COL26A1: variants seen among roughly 807,000 people sequenced by gnomAD.
COL26A1 encodes the protein collagen type XXVI alpha 1 chain.
A neutral mutation model predicts 59.3 loss-of-function variants in COL26A1; 41 were observed. The observed-to-expected ratio is 0.69, with a 90% CI of 0.54 to 0.90. The LOEUF (loss-of-function observed/expected upper bound fraction) is 0.90, where lower values mean the gene tolerates loss of function less well. Among genes scored for constraint, COL26A1 ranks in the 40% least tolerant of loss-of-function variants. COL26A1 has a pLI of 0.00. For missense variants in COL26A1, 612 were observed against 602.3 expected (o/e 1.02, Z -0.17); for synonymous variants, 266 against 256.0 (o/e 1.04, Z -0.37).
At chr7:101,369,661 G>A (rs1791139251) in intron 1 of COL26A1, among the ~76,000 whole-genome samples, 1 of 151,068 alleles carries the variant, frequency 6.6e-6, no homozygotes, top group African/African-American at 2.4e-5. Flanking sequence ...CATTTTTATG[G>A]GTCTGTTGTT....
intron 12 of COL26A1, among the ~76,000 whole-genome samples, chr7:101,556,807 T>C: frequency 6.6e-6 from 1 of 151,716 alleles, no homozygotes; most frequent in Non-Finnish European, 1.5e-5. Flanking sequence ...GGTGAATAAG[T>C]GAGTGAATGG....
chr7:101,534,669 A>G (rs112585525), intron 4 of COL26A1, among the ~76,000 whole-genome samples: 17,278 of 151,620 alleles, frequency 0.11, 1,197 homozygotes, highest in Middle Eastern at 0.22. Flanking sequence ...ACACACACAC[A>G]CACACACATG....
chr7:101,367,037 A>C (rs1176887182), intron 1 of COL26A1, among the ~76,000 whole-genome samples: 1 of 152,154 alleles, frequency 6.6e-6, no homozygotes, highest in Non-Finnish European at 1.5e-5. Flanking sequence ...ATGTCCACGT[A>C]CTAGTTTTGA....
At chr7:101,485,410 A>G (rs1481968736) in intron 3 of COL26A1, among the ~76,000 whole-genome samples, 1 of 152,154 alleles carries the variant, frequency 6.6e-6, no homozygotes, top group African/African-American at 2.4e-5. Context: ...GCTGAGTGAC[A>G]AGTATGAGTT....
chr7:101,447,595 G>T, intron 2 of COL26A1, 89 bp from the exon 3 acceptor site: 1 of 923,086 alleles, frequency 1.1e-6, no homozygotes, highest in Non-Finnish European at 1.7e-6. Context: ...CCCTGGCTGG[G>T]CAAAACAGCC....
intron 1 of COL26A1, among the ~76,000 whole-genome samples, chr7:101,409,539 C>A: frequency 6.6e-6 from 1 of 152,174 alleles, no homozygotes; most frequent in East Asian, 1.9e-4. Flanking sequence ...GTGGCTTAAA[C>A]AAAAGAAGTT....
chr7:101,513,300 G>A (rs1293415138), intron 3 of COL26A1, among the ~76,000 whole-genome samples: 8 of 151,442 alleles, frequency 5.3e-5, no homozygotes, highest in Non-Finnish European at 8.8e-5. Context: ...AAGCCACCAC[G>A]CCCAGCCTCT....
At chr7:101,451,959 G>A (rs1793351453) in intron 3 of COL26A1, among the ~76,000 whole-genome samples, 1 of 152,006 alleles carries the variant, frequency 6.6e-6, no homozygotes, top group Non-Finnish European at 1.5e-5. Context: ...TGCACCCATC[G>A]GCGTCCCAAA....
chr7:101,490,714 G>A (rs1320311818), intron 3 of COL26A1, among the ~76,000 whole-genome samples: 1 of 150,210 alleles, frequency 6.7e-6, no homozygotes, highest in Non-Finnish European at 1.5e-5. Flanking sequence ...AAAAAAGGTC[G>A]GGCACTATGG....
chr7:101,509,237 GAGTTTGAGACCAGCCCGGC>G (rs1341707362), intron 3 of COL26A1, among the ~76,000 whole-genome samples: 1 of 152,080 alleles, frequency 6.6e-6, no homozygotes, highest in East Asian at 1.9e-4. Context: ...TTGAGGTCAG[GAGTTTGAGACCAGCCCGGC>G]CAACATGATG....
intron 12 of COL26A1, among the ~76,000 whole-genome samples, chr7:101,556,369 T>C (rs756291957): frequency 5.3e-5 from 8 of 152,064 alleles, no homozygotes; most frequent in Non-Finnish European, 8.8e-5. Flanking sequence ...CCATCAGCAT[T>C]TGCTGGAAAA....
rs145033430 is a variant in COL26A1, at chr7:101,547,061, G to A, written c.857-95G>A. ...GATGGGAGGAGCCCCCCTGGGCTTC[G>A]TGTGGCCTGGCTCAGGGCTCAGTGC... On this transcript the variant is annotated intron_variant, in intron 7 of 12. Coordinates refer to ENST00000313669, the MANE Select transcript of COL26A1 (RefSeq NM_001278563.3). 1,405 of 825,168 alleles carry A rather than the reference G, an allele frequency of 1.7e-3. 29 individuals are homozygous for A. The Admixed American group carries it at 0.027, about 16-fold the overall frequency. 51.1% of individuals were successfully genotyped at this position (825,168 alleles called of 1,614,324 possible).
chr7:101,542,120 C>T (rs1057349095), intron 5 of COL26A1, among the ~76,000 whole-genome samples: 2 of 152,054 alleles, frequency 1.3e-5, no homozygotes, highest in African/African-American at 4.8e-5. Context: ...GCACGCACCA[C>T]CAAGCCCCGC....
chr7:101,485,795 C>T lies in COL26A1; in HGVS notation c.385+38008C>T, dbSNP rs142405441. Among the ~76,000 whole-genome samples, 389 of 152,126 alleles carry T rather than the reference C, an allele frequency of 2.6e-3. 1 individual carries two copies. The highest frequency in any genetic ancestry group is 8.8e-3 in the African/African-American group (365 of 41,496). ...TGGGAGGCAGAGGGCTGAGATGAGC[C>T]GAGGCCCAGCCGCGGCAGCCATGTG... is the stretch of plus-strand genomic sequence containing the variant. On this transcript the variant is annotated intron_variant, in intron 3 of 12. Coordinates refer to ENST00000313669, the MANE Select transcript of COL26A1 (RefSeq NM_001278563.3).
intron 3 of COL26A1, among the ~76,000 whole-genome samples, chr7:101,510,565 G>A (rs532928068): frequency 2.6e-4 from 39 of 152,172 alleles, no homozygotes; most frequent in Middle Eastern, 3.4e-3. Context: ...CCTGGGGCTT[G>A]GGGCTGAGTC....
Position 101,466,190 on chromosome 7 carries a change from T to A in COL26A1, c.385+18403T>A, listed in dbSNP as rs116707023. ...TTAAATCCTGGCTCCACACACTAGT[T>A]CTGTGGGCTGGTCGCTTCCTGTCTG... On this transcript the variant is annotated intron_variant, in intron 3 of 12. Coordinates refer to ENST00000313669, the MANE Select transcript of COL26A1 (RefSeq NM_001278563.3). Among the ~76,000 whole-genome samples the A allele has an allele frequency of 5.5e-3, 833 of 152,170 alleles. 5 individuals are homozygous for A. The highest frequency in any genetic ancestry group is 0.019 in the African/African-American group (808 of 41,508).
chr7:101,545,259 C>A, intron 6 of COL26A1, 79 bp from the exon 7 acceptor site: 1 of 1,344,850 alleles, frequency 7.4e-7, no homozygotes, highest in Non-Finnish European at 1.0e-6. Context: ...TCTTTCAAGG[C>A]CTCAGTTTCC....
chr7:101,476,847 ATTT>A (rs140791070), intron 3 of COL26A1, among the ~76,000 whole-genome samples: 3 of 112,008 alleles, frequency 2.7e-5, no homozygotes, highest in African/African-American at 3.1e-5. Flanking sequence ...ATGCCCAGCC[ATTT>A]TTTTTTTTTT....
chr7:101,408,182 A>G (rs1281571443), intron 1 of COL26A1, among the ~76,000 whole-genome samples: 2 of 152,300 alleles, frequency 1.3e-5, no homozygotes, highest in East Asian at 1.9e-4. Flanking sequence ...AGAGTCTAAC[A>G]TGGAGGGTGT....
Sources: allele counts gnomAD v4.1 joint callset (sites outside exome capture counted in the v4.1 genomes callset), GRCh38; gene constraint gnomAD v4.1.1; transcripts MANE v1.5; gene names NCBI Gene and HGNC (gene_info 2026-07-23, HGNC 2026-07-21).